APOBEC1: variants seen among roughly 807,000 people sequenced by gnomAD.
APOBEC1 encodes C->U-editing enzyme APOBEC-1.
Under a neutral mutation model 26.3 loss-of-function variants are expected in APOBEC1, and 22 were observed. The ratio of observed to expected loss-of-function variants is 0.84; its 90% CI spans 0.60 to 1.19. APOBEC1 has a LOEUF of 1.19. Ranked by LOEUF, APOBEC1 falls within the 50% of genes most tolerant of loss-of-function variation. The pLI is 0.00. For missense variants in APOBEC1, 253 were observed against 289.0 expected, an observed-to-expected ratio of 0.88 and a Z score of 0.90; for synonymous variants, 77 against 95.3, an observed-to-expected ratio of 0.81 and a Z score of 1.12.
At chr12:7,662,691 G>C (rs1441680962) in intron 1 of APOBEC1, among the ~76,000 whole-genome samples, 9 of 152,214 alleles carry the variant, frequency 5.9e-5, no homozygotes. Context: ...TATAAAGAGG[G>C]ACATTAAAGC....
chr12:7,651,809 TTTTTA>T (rs1206940419), intron 3 of APOBEC1, among the ~76,000 whole-genome samples: 1 of 147,366 alleles, frequency 6.8e-6, no homozygotes, highest in Admixed American at 6.8e-5. Flanking sequence ...TTTATTTTAT[TTTTTA>T]TTTTATTTTA....
chr12:7,661,469 G>A (rs1296027538), intron 1 of APOBEC1, among the ~76,000 whole-genome samples: 1 of 151,756 alleles, frequency 6.6e-6, no homozygotes, highest in Non-Finnish European at 1.5e-5. Context: ...GAGAAGCCAG[G>A]ATATCTTTGA....
intron 2 of APOBEC1, 115 bp downstream of exon 2, chr12:7,654,490 G>T: frequency 2.8e-6 from 3 of 1,060,242 alleles, no homozygotes; most frequent in Non-Finnish European, 2.9e-6. Flanking sequence ...TCCTACTCCT[G>T]CCTCAGCCTC....
chr12:7,658,038 A>ATTTGT (rs759176132), intron 1 of APOBEC1, among the ~76,000 whole-genome samples: 8 of 134,966 alleles, frequency 5.9e-5, no homozygotes, highest in Non-Finnish European at 1.3e-4. Context: ...CTGGAAATTG[A>ATTTGT]TTTGTTCTGT....
At chr12:7,659,016 C>T (rs1288305346) in intron 1 of APOBEC1, among the ~76,000 whole-genome samples, 6 of 147,278 alleles carry the variant, frequency 4.1e-5, no homozygotes, top group African/African-American at 7.5e-5. Flanking sequence ...ATTTATAGGC[C>T]GGGCGCGGTG....
At position 7,662,486 on chromosome 12, in the gene APOBEC1, G is replaced by A. The variant is rs746746911; in HGVS notation, c.16+3371C>T. On this transcript the variant is annotated intron_variant, in intron 1 of 4. Coordinates refer to ENST00000229304, the MANE Select transcript of APOBEC1 (RefSeq NM_001644.5). ...TAATCCCAGCTATTCGGGAGGCTGA[G>A]GCAGGAGAATCACTTGAACCTGGGA... Among the ~76,000 whole-genome samples the A allele has an allele frequency of 3.9e-4, 60 of 152,174 alleles. 1 individual carries two copies. Among genetic ancestry groups the A allele is most frequent in the African/African-American group, 1.4e-3 (59 of 41,516 alleles).
chr12:7,658,253 G>A (rs1316690106), intron 1 of APOBEC1, among the ~76,000 whole-genome samples: 4 of 152,220 alleles, frequency 2.6e-5, no homozygotes, highest in Admixed American at 6.5e-5. Flanking sequence ...TAGTAGAGAC[G>A]GGGTTTCACC....
chr12:7,662,800 T>A (rs1240267427), intron 1 of APOBEC1, among the ~76,000 whole-genome samples: 4 of 151,988 alleles, frequency 2.6e-5, no homozygotes, highest in Admixed American at 2.0e-4. Context: ...CGACCTGAAG[T>A]GTGGACCTTG....
chr12:7,659,363 A>G (rs1463386876), intron 1 of APOBEC1, among the ~76,000 whole-genome samples: 1 of 105,528 alleles, frequency 9.5e-6, no homozygotes, highest in East Asian at 2.3e-4. Flanking sequence ...TTATATTTGA[A>G]ATTTAAAAAT....
At position 7,665,359 on chromosome 12, in the gene APOBEC1, G is replaced by A. The variant is rs144599989; in HGVS notation, c.16+498C>T. Among the ~76,000 whole-genome samples, 1,109 of 152,078 alleles carry A rather than the reference G, an allele frequency of 7.3e-3. 18 individuals carry two copies. The highest frequency in any genetic ancestry group is 0.036 in the East Asian group (188 of 5,166). Reference sequence around the variant, plus strand: ...GTTGCCCAGGCTGGAGTGCAGTGGCGTGATCTCAGGTCACTGCAACCTCCG... The same window carrying A: ...GTTGCCCAGGCTGGAGTGCAGTGGCATGATCTCAGGTCACTGCAACCTCCG... On this transcript the variant is annotated intron_variant, in intron 1 of 4. Transcript: ENST00000229304.
chr12:7,653,137 G>A lies in APOBEC1; in HGVS notation c.45-302C>T, dbSNP rs906389697. On this transcript the variant is annotated intron_variant, in intron 2 of 4. Coordinates refer to ENST00000229304, the MANE Select transcript of APOBEC1 (RefSeq NM_001644.5). ...AGTAGAGACGGGGTTTCACCATGTT[G>A]GCCAGGCTGGTCTCAAACTCCTGAC... 8.6e-5 allele frequency among the ~76,000 whole-genome samples: 13 copies of A among 151,862 alleles called. No individual in the cohort carries two copies. The East Asian group carries it at 1.7e-3, about 20-fold the overall frequency.
rs6144603 is a variant in APOBEC1, at chr12:7,657,043, CGTGTGTGTGTGTGTGTGTGTGTGT to C, written c.17-2435_17-2412del. Reference sequence around the variant, plus strand: ...TTGGTGTCCTAGTGTGTTGTATATACGTGTGTGTGTGTGTGTGTGTGTGTGTGTGTGTGTGTGTAAATAGCTATT... The same window carrying C: ...TTGGTGTCCTAGTGTGTTGTATATACGTGTGTGTGTGTGTAAATAGCTATT... On this transcript the variant is annotated intron_variant, in intron 1 of 4. Coordinates refer to ENST00000229304, the MANE Select transcript of APOBEC1 (RefSeq NM_001644.5). 2.0e-5 allele frequency among the ~76,000 whole-genome samples: 3 copies of C among 148,654 alleles called. No individual in the cohort carries two copies. The South Asian group carries it at 6.5e-4, about 32-fold the overall frequency.
rs1863631390 is a variant in APOBEC1, at chr12:7,651,086, G to A, written c.498C>T (p.His166=). The change falls in exon 4 of 5, where the codon CAC becomes CAT. Residue 166 remains histidine, a synonymous_variant. Transcript: ENST00000229304. Reference sequence around the variant, plus strand: ...TCCACAGAGGTGGGTATTGTGGCCAGTGAGCTTCATCCCCAGGTGGGTAGT... The same window carrying A: ...TCCACAGAGGTGGGTATTGTGGCCAATGAGCTTCATCCCCAGGTGGGTAGT... ...FVNYPPGDEA[H]WPQYPPLWMM... 1.2e-6 allele frequency: 2 copies of A among 1,614,032 alleles called. No individual in the cohort carries two copies. The highest frequency in any genetic ancestry group is 1.1e-5 in the South Asian group (1 of 91,092).
chr12:7,651,773 G>A (rs949674574), intron 3 of APOBEC1, among the ~76,000 whole-genome samples: 7 of 151,926 alleles, frequency 4.6e-5, no homozygotes, highest in Non-Finnish European at 1.0e-4. Flanking sequence ...CTTTAAAGGT[G>A]TATGCTGCCA....
At position 7,649,598 on chromosome 12, in the gene APOBEC1, T is replaced by C. The variant is rs748656042; in HGVS notation, c.660A>G (p.Pro220=). ...TCAGCCCTGTAGCTAAAAGGATGTG[T>C]GGCGGAATCGTTTGGTAATGGCAGT... ...LQNCHYQTIP[P]HILLATGLIH... The change falls in exon 5 of 5, where the codon CCA becomes CCG. Residue 220 remains proline, a synonymous_variant. Coordinates refer to ENST00000229304, the MANE Select transcript of APOBEC1 (RefSeq NM_001644.5). 2.5e-6 allele frequency: 4 copies of C among 1,614,184 alleles called. No homozygotes were observed. The highest frequency in any genetic ancestry group is 2.5e-6 in the Non-Finnish European group (3 of 1,180,020).
intron 1 of APOBEC1, among the ~76,000 whole-genome samples, chr12:7,658,625 G>T (rs999712977): frequency 6.6e-6 from 1 of 152,150 alleles, no homozygotes; most frequent in African/African-American, 2.4e-5. Flanking sequence ...TTGAGTCTGA[G>T]AACTCTTCTC....
chr12:7,654,478 C>T, intron 2 of APOBEC1, 127 bp downstream of exon 2: 1 of 895,518 alleles, frequency 1.1e-6, no homozygotes, highest in Non-Finnish European at 1.8e-6. Flanking sequence ...CTCAAGCGAT[C>T]CTCCTACTCC....
chr12:7,660,396 G>GAAAA, intron 1 of APOBEC1, among the ~76,000 whole-genome samples: 3 of 75,416 alleles, frequency 4.0e-5, no homozygotes, highest in African/African-American at 7.9e-5. Context: ...AAGAAAGAAA[G>GAAAA]AAAGAAAGAA....
chr12:7,653,196 C>T (rs1019519260), intron 2 of APOBEC1, among the ~76,000 whole-genome samples: 1 of 152,186 alleles, frequency 6.6e-6, no homozygotes, highest in African/African-American at 2.4e-5. Context: ...TCCCAAAGTG[C>T]TGGGATTACA....
Sources: gnomAD v4.1 joint callset for allele counts (sites outside exome capture counted in the v4.1 genomes callset) on GRCh38, gnomAD v4.1.1 for gene constraint, MANE v1.5 for transcripts, NCBI Gene and HGNC (gene_info 2026-07-23, HGNC 2026-07-21) for gene names.